Variants in SLC9A6 observed in about 807,000 individuals in gnomAD.
The protein encoded by SLC9A6 is sodium/hydrogen exchanger 6.
In SLC9A6, 6 loss-of-function variants were observed where a neutral mutation model predicts 45.3. That is an observed-to-expected ratio of 0.13 (90% CI 0.07 to 0.26). The LOEUF (loss-of-function observed/expected upper bound fraction) is 0.26, where lower values mean the gene tolerates loss of function less well. SLC9A6 is among the 10% of genes least tolerant of loss of function. The pLI is 1.00. For missense variants in SLC9A6, 278 were observed against 503.7 expected, an observed-to-expected ratio of 0.55 and a Z score of 4.29; for synonymous variants, 191 against 187.7, an observed-to-expected ratio of 1.02 and a Z score of -0.14.
chrX:135,978,521 G>A (rs2029701), intron 1 of SLC9A6, among the ~76,000 whole-genome samples: 1,189 of 110,605 alleles, frequency 0.011, 16 homozygotes, highest in African/African-American at 0.037. Flanking sequence ...GTGTGGTGGC[G>A]CATGCCAGTA....
chrX:136,013,504 C>T, intron 10 of SLC9A6, 67 bp downstream of exon 10: 2 of 743,803 alleles, frequency 2.7e-6, no homozygotes, highest in Non-Finnish European at 2.0e-6. Context: ...GTCTTTTTTA[C>T]TAAAAAAAAA....
upstream of SLC9A6, among the ~76,000 whole-genome samples, chrX:135,981,286 C>T (rs782487392): frequency 9.0e-5 from 10 of 111,044 alleles, no homozygotes; most frequent in African/African-American, 2.6e-4. Context: ...AAACAAAAAG[C>T]GAGGGGGAAA....
intron 11 of SLC9A6, among the ~76,000 whole-genome samples, chrX:136,018,750 C>T (rs782384349): frequency 1.3e-4 from 14 of 108,876 alleles, no homozygotes; most frequent in Non-Finnish European, 2.3e-4. Context: ...TAAAACCTCA[C>T]ATCAGAATGA....
At chrX:136,042,980 T>C (rs782031906) in intron 17 of SLC9A6, among the ~76,000 whole-genome samples, 48 of 112,176 alleles carry the variant, frequency 4.3e-4, no homozygotes, top group African/African-American at 1.2e-3. Flanking sequence ...TAAAAGTATA[T>C]AGAATAGATT....
chrX:135,984,288 G>A (rs966076094), upstream of SLC9A6, among the ~76,000 whole-genome samples: 2 of 111,433 alleles, frequency 1.8e-5, no homozygotes, highest in Admixed American at 9.5e-5. Context: ...AATTTGAGAA[G>A]GAATTTGTAC....
At chrX:135,985,417 G>T, upstream of SLC9A6, 1 of 667,236 alleles carries the variant, frequency 1.5e-6, no homozygotes, top group Non-Finnish European at 2.0e-6. Flanking sequence ...CTACCCCCGG[G>T]CCCCGCCCCT....
chrX:136,023,165 A>ATG (rs1306268664), intron 12 of SLC9A6, among the ~76,000 whole-genome samples: 199 of 1,171 alleles, frequency 0.17, 5 homozygotes, highest in South Asian at 0.27. Context: ...AAGAAAATGT[A>ATG]TATATATATA....
chrX:135,988,881 A>G (rs1556615316), intron 2 of SLC9A6, among the ~76,000 whole-genome samples: 2 of 111,185 alleles, frequency 1.8e-5, no homozygotes, highest in African/African-American at 6.5e-5. Context: ...TTGGCCTCCC[A>G]AAGTGCTGGG....
At chrX:136,032,149 C>T (rs1365225169) in intron 15 of SLC9A6, among the ~76,000 whole-genome samples, 1 of 112,182 alleles carries the variant, frequency 8.9e-6, no homozygotes, top group Non-Finnish European at 1.9e-5. Context: ...GTCACTGCAA[C>T]CTCCACCTCC....
chrX:136,043,269 G>C lies in SLC9A6; in HGVS notation c.1768-1183G>C, dbSNP rs375872924. Among the ~76,000 whole-genome samples the C allele has an allele frequency of 2.7e-5, 3 of 111,812 alleles. No individual in the cohort carries two copies. In the South Asian group the frequency reaches 1.1e-3, roughly 42 times the overall value. ...AGATGGGTTCTGGCTGTGTTGCCCAGGTTGGCCTCAAACTTCTGGGCTCAA... is the reference window on the plus strand; with the variant it reads ...AGATGGGTTCTGGCTGTGTTGCCCACGTTGGCCTCAAACTTCTGGGCTCAA... On this transcript the variant is annotated intron_variant, in intron 17 of 17. Transcript: ENST00000630721.
At chrX:136,029,723 C>T (rs1006873392) in intron 14 of SLC9A6, 4 of 169,793 alleles carry the variant, frequency 2.4e-5, no homozygotes, top group African/African-American at 6.0e-5. Context: ...CTTCAGTCAT[C>T]GTAACAGAAT....
At chrX:135,991,818 A>G (rs1395683542) in intron 2 of SLC9A6, among the ~76,000 whole-genome samples, 1 of 104,985 alleles carries the variant, frequency 9.5e-6, no homozygotes, top group African/African-American at 3.5e-5. Context: ...TTTTTTTTCT[A>G]CTCCTGTGGG....
In SLC9A6 at chrX:135,998,561, A is replaced by G. The variant is rs372679456; in HGVS notation, c.524+3A>G. 1.9e-5 allele frequency: 21 copies of G among 1,126,881 alleles called. No homozygotes were observed. The African/African-American group carries it at 2.9e-4, about 16-fold the overall frequency. 92.9% of individuals were successfully genotyped at this position (1,126,881 alleles called of 1,213,427 possible). ...GCAATTTCTTGTTTCGTTATTGGGT[A>G]AGTATTTTAAGCTTAAAATACTTTG... is the stretch of plus-strand genomic sequence containing the variant. On this transcript the variant is annotated splice_donor_region_variant and intron_variant, in intron 5 of 17. Transcript: ENST00000630721.
intron 6 of SLC9A6, among the ~76,000 whole-genome samples, chrX:136,000,074 CCT>C (rs2089557501): frequency 1.9e-5 from 2 of 106,883 alleles, no homozygotes; most frequent in Non-Finnish European, 3.9e-5. Context: ...ACAGTGACAC[CCT>C]GTCTCTACAA....
At chrX:136,003,089 A>G (rs2089606534) in intron 7 of SLC9A6, among the ~76,000 whole-genome samples, 1 of 108,941 alleles carries the variant, frequency 9.2e-6, no homozygotes. Flanking sequence ...CCTGGGTTCA[A>G]GTGATTCTTC....
At chrX:136,009,191 C>A (rs1556618329) in intron 7 of SLC9A6, among the ~76,000 whole-genome samples, 1 of 111,610 alleles carries the variant, frequency 9.0e-6, no homozygotes, top group South Asian at 3.7e-4. Context: ...TGTTAAAGGC[C>A]ATTTCATATT....
In SLC9A6 at chrX:135,985,492, C is replaced by CG. The variant is rs782431608; in HGVS notation, c.-57+21dup. ...CCGCCGGTGAGGTAGGGGCGGGAGGCGGGGGGAGACATGGCTCGGCGCGGC... is the reference window on the plus strand; with the variant it reads ...CCGCCGGTGAGGTAGGGGCGGGAGGCGGGGGGGAGACATGGCTCGGCGCGGC... On this transcript the variant is annotated intron_variant, in intron 1 of 17. Coordinates refer to ENST00000630721, the MANE Select transcript of SLC9A6 (RefSeq NM_001379110.1). The CG allele has an allele frequency of 8.4e-6, 9 of 1,076,302 alleles. No individual in the cohort carries two copies. The highest frequency in any genetic ancestry group is 1.1e-5 in the Non-Finnish European group (9 of 831,807). 88.7% of individuals were successfully genotyped at this position (1,076,302 alleles called of 1,213,427 possible). A position where few individuals can be genotyped will look rare whatever the true frequency, so the allele number is the denominator to read the frequency against.
rs960143733 is a variant in SLC9A6 at position 136,045,318 on chromosome X, G to A, written c.*594G>A. The A allele has an allele frequency of 1.7e-5, 2 of 116,049 alleles. No homozygotes were observed. The highest frequency in any genetic ancestry group is 1.7e-4 in the Admixed American group (2 of 11,498). The allele number at this position is 116,049 out of a possible 1,213,427, so 9.6% of individuals were successfully genotyped here. A position where few individuals can be genotyped will look rare whatever the true frequency, so the allele number is the denominator to read the frequency against. On this transcript the variant is annotated 3_prime_UTR_variant, in exon 18 of 18. Transcript: ENST00000630721. ...AGGACCCTTTTCCCCCGCTTGCTGT[G>A]AAAGCACAGATTCATTGACTACAGT... is the stretch of plus-strand genomic sequence containing the variant.
intron 11 of SLC9A6, among the ~76,000 whole-genome samples, chrX:136,017,294 T>C (rs782235719): frequency 3.9e-4 from 43 of 110,407 alleles, no homozygotes; most frequent in African/African-American, 1.4e-3. Flanking sequence ...GGTTCATGCC[T>C]GTAGTCTAAG....
Sources: gnomAD v4.1 joint callset for allele counts (sites outside exome capture counted in the v4.1 genomes callset) on GRCh38, gnomAD v4.1.1 for gene constraint, MANE v1.5 for transcripts, NCBI Gene and HGNC (gene_info 2026-07-23, HGNC 2026-07-21) for gene names.